Variants in CRADD observed in about 807,000 individuals in gnomAD.
The protein encoded by CRADD is death domain-containing protein CRADD.
In CRADD, 9 loss-of-function variants were observed where a neutral mutation model predicts 15.5. That is an observed-to-expected ratio of 0.58 (90% CI 0.35 to 1.01). The LOEUF (loss-of-function observed/expected upper bound fraction) is 1.01. CRADD is among the 50% of genes least tolerant of loss of function. The pLI is 0.02. For synonymous variants in CRADD, 118 were observed against 107.6 expected (o/e 1.10, Z -0.60); for missense variants, 227 against 250.3 (o/e 0.91, Z 0.63).
chr12:93,850,024 G>A lies in CRADD; in HGVS notation c.353G>A (p.Arg118Gln), dbSNP rs370501727. ...ATCCTCAACAGCTCCCCATCAGACC[G>A]GCAGATTAACCAGCTGGCCCAGAGG... ...SHILNSSPSD[R>Q]QINQLAQRLG... Residue 118 changes from arginine (R) to glutamine (Q), a missense_variant, in exon 3 of 3, where the codon CGG (arginine) becomes CAG (glutamine). Physicochemically the swap from Arg to Gln is conservative, Grantham distance 43 (BLOSUM62 1). Coordinates refer to ENST00000332896, the MANE Select transcript of CRADD (RefSeq NM_003805.5). The surrounding 1 kb of genome is among the most constrained non-coding windows in gnomAD (Gnocchi z 4.0). 16 of 1,611,400 alleles carry A rather than the reference G, an allele frequency of 9.9e-6. No homozygotes were observed. The highest frequency in any genetic ancestry group is 1.7e-5 in the Admixed American group (1 of 60,014).
At chr12:93,892,359 G>A (rs1016667379) in intron 2 of CRADD, among the ~76,000 whole-genome samples, 2 of 152,096 alleles carry the variant, frequency 1.3e-5, no homozygotes, top group Non-Finnish European at 2.9e-5. Context: ...TTTATTTGGT[G>A]CCCCTAAATT....
intron 2 of CRADD, among the ~76,000 whole-genome samples, chr12:93,722,970 A>G (rs971435227): frequency 4.6e-5 from 7 of 152,172 alleles, no homozygotes; most frequent in African/African-American, 1.7e-4. Flanking sequence ...GGAGGAGAGG[A>G]AGTGAAACCA....
At chr12:93,682,010 A>G (rs748489586) in intron 2 of CRADD, among the ~76,000 whole-genome samples, 5 of 152,168 alleles carry the variant, frequency 3.3e-5, no homozygotes, top group Non-Finnish European at 5.9e-5. Context: ...AGAACTTAAA[A>G]TATTTTTTAC....
At chr12:93,857,182 C>A (rs1317851973) in intron 2 of CRADD, among the ~76,000 whole-genome samples, 1 of 151,260 alleles carries the variant, frequency 6.6e-6, no homozygotes, top group Non-Finnish European at 1.5e-5. Context: ...ATAATGTTTC[C>A]ATTTCATTTT....
chr12:93,806,994 C>A (rs1163549223), intron 2 of CRADD, among the ~76,000 whole-genome samples: 1 of 152,122 alleles, frequency 6.6e-6, no homozygotes, highest in African/African-American at 2.4e-5. Context: ...TACAGACTTG[C>A]TTGCAGGACA....
intron 2 of CRADD, among the ~76,000 whole-genome samples, chr12:93,719,415 C>A (rs960461903): frequency 2.6e-5 from 4 of 152,004 alleles, no homozygotes; most frequent in African/African-American, 9.7e-5. Context: ...GTTTTCTTTT[C>A]TTGTAATGTC....
intron 2 of CRADD, among the ~76,000 whole-genome samples, chr12:93,745,820 A>C (rs1189530066): frequency 6.6e-6 from 1 of 152,226 alleles, no homozygotes; most frequent in Non-Finnish European, 1.5e-5. Flanking sequence ...TTCTGATATT[A>C]CTGAAGTCTT....
chr12:93,752,784 A>G (rs1461777148), intron 2 of CRADD, among the ~76,000 whole-genome samples: 1 of 152,204 alleles, frequency 6.6e-6, no homozygotes, highest in Non-Finnish European at 1.5e-5. Context: ...GTCTGTTTTC[A>G]TGCTGCTGAT....
chr12:93,872,789 A>G (rs1269508994), intron 2 of CRADD, among the ~76,000 whole-genome samples: 1 of 152,066 alleles, frequency 6.6e-6, no homozygotes, highest in Non-Finnish European at 1.5e-5. Context: ...TGCTGGTACC[A>G]TACTGTTTTG....
At chr12:93,679,317 T>G (rs1955233355) in intron 2 of CRADD, among the ~76,000 whole-genome samples, 1 of 152,020 alleles carries the variant, frequency 6.6e-6, no homozygotes, top group Non-Finnish European at 1.5e-5. Flanking sequence ...AAGTTTTGTA[T>G]TTTTAGTAGA....
chr12:93,715,598 A>T (rs1223654994), intron 2 of CRADD, among the ~76,000 whole-genome samples: 1 of 152,160 alleles, frequency 6.6e-6, no homozygotes, highest in Non-Finnish European at 1.5e-5. Flanking sequence ...ACATGGCAAG[A>T]TTCCATATCT....
At chr12:93,710,060 C>A (rs1956033043) in intron 2 of CRADD, among the ~76,000 whole-genome samples, 2 of 152,160 alleles carry the variant, frequency 1.3e-5, no homozygotes, top group South Asian at 4.1e-4. Flanking sequence ...TATTATTTCT[C>A]ACAATTTGGT....
rs577489162 is a variant in CRADD at position 93,743,154 on chromosome 12, C to T, written c.298+64082C>T. On this transcript the variant is annotated intron_variant, in intron 2 of 2. Coordinates refer to ENST00000332896, the MANE Select transcript of CRADD (RefSeq NM_003805.5). ...AGTAATAGTAACTTAACTAGTACTCCGATAATGCCAGTATTCCCTGTGTTA... is the reference window on the plus strand; with the variant it reads ...AGTAATAGTAACTTAACTAGTACTCTGATAATGCCAGTATTCCCTGTGTTA... Among the ~76,000 whole-genome samples, 6 of 152,106 alleles carry T rather than the reference C, an allele frequency of 3.9e-5. No homozygotes were observed. The South Asian group carries it at 1.0e-3, about 26-fold the overall frequency.
chr12:93,820,769 G>A (rs1957760844), intron 2 of CRADD, among the ~76,000 whole-genome samples: 1 of 152,126 alleles, frequency 6.6e-6, no homozygotes, highest in African/African-American at 2.4e-5. Flanking sequence ...ATTGGATCAT[G>A]CCCCATTTCT....
At position 93,691,413 on chromosome 12, in the gene CRADD, C is replaced by G. The variant is rs942358390; in HGVS notation, c.298+12341C>G. Among the ~76,000 whole-genome samples, 7 of 152,100 alleles carry G rather than the reference C, an allele frequency of 4.6e-5. 1 individual carries two copies. The highest frequency in any genetic ancestry group is 3.9e-4 in the Admixed American group (6 of 15,274). On this transcript the variant is annotated intron_variant, in intron 2 of 2. Coordinates refer to ENST00000332896, the MANE Select transcript of CRADD (RefSeq NM_003805.5). ...GGATTACAGGTGCCCGCCACCATGC[C>G]TGGCTAATTTTTGTATTGTTAGTAG...
At chr12:93,726,401 G>A (rs1956368657) in intron 2 of CRADD, among the ~76,000 whole-genome samples, 1 of 152,122 alleles carries the variant, frequency 6.6e-6, no homozygotes, top group East Asian at 1.9e-4. Flanking sequence ...CCAGCACCTG[G>A]CCAATAGTTT....
At position 93,833,528 on chromosome 12, in the gene CRADD, A is replaced by T. The variant is rs527480064; in HGVS notation, c.299-16442A>T. Among the ~76,000 whole-genome samples the T allele has an allele frequency of 1.1e-4, 16 of 151,982 alleles. No homozygotes were observed. The South Asian group carries it at 3.3e-3, about 32-fold the overall frequency. ...TAATTTTTTATTTTTATTTTTGTAC[A>T]GATTGAGGGGTGTCCCTATGTTGCC... is the stretch of plus-strand genomic sequence containing the variant. On this transcript the variant is annotated intron_variant, in intron 2 of 2. Transcript: ENST00000332896.
intron 2 of CRADD, among the ~76,000 whole-genome samples, chr12:93,796,857 T>G (rs1427918730): frequency 6.6e-6 from 1 of 152,148 alleles, no homozygotes; most frequent in Non-Finnish European, 1.5e-5. Context: ...TTTGCAAACC[T>G]CTCTTCTGCC....
At chr12:93,711,710 C>T (rs1956077581) in intron 2 of CRADD, among the ~76,000 whole-genome samples, 2 of 151,970 alleles carry the variant, frequency 1.3e-5, no homozygotes, top group South Asian at 2.1e-4. Flanking sequence ...TCATTCAAGC[C>T]TCAGCCCAGA....
Sources: allele counts gnomAD v4.1 joint callset (sites outside exome capture counted in the v4.1 genomes callset), GRCh38; gene constraint gnomAD v4.1.1; non-coding constraint Gnocchi (gnomAD v3.1); transcripts MANE v1.5; gene names NCBI Gene and HGNC (gene_info 2026-07-23, HGNC 2026-07-21).